CUX1: variants seen among roughly 807,000 people sequenced by gnomAD.
CUX1 encodes cut like homeobox 1, also known as protein CASP.
In CUX1, 31 loss-of-function variants were observed where a neutral mutation model predicts 158.8. The observed-to-expected ratio is 0.20, with a 90% CI of 0.15 to 0.26. The LOEUF (loss-of-function observed/expected upper bound fraction) is 0.26, where lower values mean the gene tolerates loss of function less well. CUX1 is among the 10% of genes least tolerant of loss of function. CUX1 has a pLI of 1.00. For synonymous variants in CUX1, 879 were observed against 862.1 expected (o/e 1.02, Z -0.34); for missense variants, 1,589 against 2,014.6 (o/e 0.79, Z 4.04).
At chr7:101,948,453 A>C (rs1808650873) in intron 2 of CUX1, among the ~76,000 whole-genome samples, 1 of 151,876 alleles carries the variant, frequency 6.6e-6, no homozygotes, top group African/African-American at 2.4e-5. Flanking sequence ...TTTTATAATA[A>C]AGTCGAGCCT....
chr7:101,980,372 T>C (rs1235702241), intron 2 of CUX1, among the ~76,000 whole-genome samples: 1 of 152,104 alleles, frequency 6.6e-6, no homozygotes, highest in African/African-American at 2.4e-5. Flanking sequence ...TAGCTGAGCA[T>C]GGTGGCATGC....
intron 1 of CUX1, among the ~76,000 whole-genome samples, chr7:101,876,329 A>G (rs530085143): frequency 9.8e-5 from 12 of 121,844 alleles, no homozygotes; most frequent in Non-Finnish European, 2.0e-4. Flanking sequence ...TGGGCGACAG[A>G]TTAAAAAAAA....
intron 4 of CUX1, among the ~76,000 whole-genome samples, chr7:102,088,723 AGGC>A (rs1242958184): frequency 6.6e-6 from 1 of 152,248 alleles, no homozygotes; most frequent in Non-Finnish European, 1.5e-5. Flanking sequence ...TTTCTGAGAC[AGGC>A]GATCTCCAGT....
chr7:102,211,248 C>A lies in CUX1; in HGVS notation c.3130+6078C>A, dbSNP rs570654213. ...ATCACTTGAGGTCAGAAGTTTGAGACCAGCCTGGCCAACATGGTGAAACTC... is the reference window on the plus strand; with the variant it reads ...ATCACTTGAGGTCAGAAGTTTGAGAACAGCCTGGCCAACATGGTGAAACTC... On this transcript the variant is annotated intron_variant, in intron 20 of 23. Coordinates refer to ENST00000292535, the MANE Select transcript of CUX1 (RefSeq NM_181552.4). Among the ~76,000 whole-genome samples the A allele has an allele frequency of 4.6e-5, 7 of 151,838 alleles. No homozygotes were observed. In the South Asian group the frequency reaches 8.3e-4, roughly 18 times the overall value.
intron 20 of CUX1, 123 bp downstream of exon 20, chr7:102,205,293 A>G: frequency 1.4e-6 from 1 of 731,122 alleles, no homozygotes; most frequent in Non-Finnish European, 2.4e-6. Context: ...GGGAGCTGAA[A>G]TATGGCATCC....
At chr7:102,056,805 G>A (rs1277790431) in intron 3 of CUX1, among the ~76,000 whole-genome samples, 4 of 152,216 alleles carry the variant, frequency 2.6e-5, no homozygotes, top group Admixed American at 2.6e-4. Context: ...TCCTGACCTC[G>A]TGATCCGCCT....
At chr7:101,851,515 T>C (rs1037480555) in intron 1 of CUX1, among the ~76,000 whole-genome samples, 2 of 152,220 alleles carry the variant, frequency 1.3e-5, no homozygotes, top group African/African-American at 4.8e-5. Context: ...ATGGTGACCA[T>C]ATCTGCGATC....
intron 17 of CUX1, among the ~76,000 whole-genome samples, chr7:102,275,966 C>T (rs803082): frequency 0.56 from 84,495 of 150,382 alleles, 23,701 homozygotes; most frequent in African/African-American, 0.59. Context: ...CTGATGAGAT[C>T]GTGCCACTGC....
chr7:102,063,444 A>T (rs1825178235), intron 3 of CUX1, among the ~76,000 whole-genome samples: 1 of 131,394 alleles, frequency 7.6e-6, no homozygotes, highest in African/African-American at 2.7e-5. Flanking sequence ...GCTGAAGTGC[A>T]ATGGCACGAT....
At chr7:102,225,408 G>A (rs1420345157) in intron 20 of CUX1, among the ~76,000 whole-genome samples, 6 of 152,200 alleles carry the variant, frequency 3.9e-5, no homozygotes, top group African/African-American at 1.4e-4. Context: ...CCTGGATACA[G>A]TATGTCCAGA....
At position 101,943,248 on chromosome 7, in the gene CUX1, A is replaced by G. The variant is rs1585048955; in HGVS notation, c.141+27023A>G. On this transcript the variant is annotated intron_variant, in intron 2 of 23. Coordinates refer to ENST00000292535, the MANE Select transcript of CUX1 (RefSeq NM_181552.4). ...CAGCCTCCTGAGTAGCTGGGATTAC[A>G]GGTGCCCGCCACCATGCCTGGCTAA... Among the ~76,000 whole-genome samples the G allele has an allele frequency of 2.0e-5, 3 of 151,932 alleles. No individual in the cohort carries two copies. The South Asian group carries it at 6.2e-4, about 32-fold the overall frequency.
At chr7:101,956,495 A>T (rs1297411473) in intron 2 of CUX1, among the ~76,000 whole-genome samples, 1 of 152,146 alleles carries the variant, frequency 6.6e-6, no homozygotes, top group African/African-American at 2.4e-5. Context: ...TGGATTATGG[A>T]GTCAACGTTT....
intron 16 of CUX1, among the ~76,000 whole-genome samples, chr7:102,274,901 A>AT (rs1419085895): frequency 1.3e-5 from 2 of 151,818 alleles, no homozygotes; most frequent in South Asian, 2.1e-4. Context: ...TCCCCAGGGG[A>AT]TATAGGCCTA....
intron 2 of CUX1, among the ~76,000 whole-genome samples, chr7:101,918,628 C>A (rs1804521904): frequency 6.6e-6 from 1 of 152,260 alleles, no homozygotes; most frequent in South Asian, 2.1e-4. Flanking sequence ...GGGGAGCTGG[C>A]TGCAGGCTCC....
At chr7:101,839,464 C>T (rs1453532370) in intron 1 of CUX1, among the ~76,000 whole-genome samples, 6 of 152,244 alleles carry the variant, frequency 3.9e-5, no homozygotes, top group African/African-American at 1.4e-4. Context: ...CCCCCACCCA[C>T]AGTCGTGAGA....
At position 102,239,517 on chromosome 7, in the gene CUX1, A is replaced by G. The variant is rs368394580; in HGVS notation, c.3820A>G (p.Ile1274Val). The G allele has an allele frequency of 1.3e-5, 21 of 1,614,128 alleles. No homozygotes were observed. ...QQKPYPSPKT[I>V]EDLATQLNLK... ...AAAGCCATACCCGTCACCAAAAACC[A>G]TCGAAGACCTCGCCACCCAGCTCAA... Residue 1274 changes from isoleucine (I) to valine (V), a missense_variant, in exon 23 of 24, where the codon ATC (isoleucine) becomes GTC (valine). By Grantham distance (29) the Ile-to-Val change is conservative (BLOSUM62 3). Coordinates refer to ENST00000292535, the MANE Select transcript of CUX1 (RefSeq NM_181552.4).
At chr7:102,129,020 C>T (rs797023347) in intron 8 of CUX1, among the ~76,000 whole-genome samples, 57 of 152,164 alleles carry the variant, frequency 3.7e-4, no homozygotes, top group African/African-American at 1.4e-3. Flanking sequence ...GGTACAGGAC[C>T]TCTATAAAGG....
At chr7:101,905,893 G>A (rs1319343395) in intron 1 of CUX1, among the ~76,000 whole-genome samples, 3 of 151,654 alleles carry the variant, frequency 2.0e-5, no homozygotes, top group Admixed American at 6.6e-5. Context: ...TTGCTCTGTC[G>A]CCCAGGCTGG....
intron 12 of CUX1, among the ~76,000 whole-genome samples, chr7:102,193,620 C>T (rs1794497703): frequency 6.6e-6 from 1 of 152,098 alleles, no homozygotes; most frequent in Non-Finnish European, 1.5e-5. Flanking sequence ...GCCTGGCCAA[C>T]GTGGTGAAAC....
Sources: gnomAD v4.1 joint callset for allele counts (sites outside exome capture counted in the v4.1 genomes callset) on GRCh38, gnomAD v4.1.1 for gene constraint, MANE v1.5 for transcripts, NCBI Gene and HGNC (gene_info 2026-07-23, HGNC 2026-07-21) for gene names.